Variants in USH2A observed in about 807,000 individuals in gnomAD.
USH2A encodes the protein usherin.
USH2A carries 443 observed loss-of-function variants against 538.9 expected under a neutral mutation model. That is an observed-to-expected ratio of 0.82 (90% CI 0.76 to 0.89). USH2A has a LOEUF of 0.89. USH2A is among the 40% of genes least tolerant of loss of function. The pLI is 0.00. For missense variants in USH2A, 6,633 were observed against 6,324.8 expected, an observed-to-expected ratio of 1.05 and a Z score of -1.65; for synonymous variants, 2,413 against 2,273.5, an observed-to-expected ratio of 1.06 and a Z score of -1.75.
intron 37 of USH2A, among the ~76,000 whole-genome samples, chr1:215,937,026 C>G (rs1269471989): frequency 1.3e-5 from 2 of 151,942 alleles, no homozygotes; most frequent in Non-Finnish European, 1.5e-5. Context: ...TCTACTGTTA[C>G]AAAATACTCA....
At chr1:216,087,049 C>T in intron 23 of USH2A, 1 of 489,180 alleles carries the variant, frequency 2.0e-6, no homozygotes, top group South Asian at 1.9e-5. Flanking sequence ...TTTCTCTACC[C>T]ATAGGCACCC....
chr1:216,354,951 C>A (rs2038355872), intron 4 of USH2A, among the ~76,000 whole-genome samples: 1 of 151,946 alleles, frequency 6.6e-6, no homozygotes, highest in African/African-American at 2.4e-5. Flanking sequence ...AAAATCATTC[C>A]TAGGCATATC....
In USH2A at chr1:216,325,504, G is replaced by A; in HGVS notation, c.944C>T (p.Ala315Val). The change falls in exon 6 of 72, where the codon GCA becomes GTA. Residue 315 changes from alanine (A) to valine (V), a missense_variant. By Grantham distance (64) the Ala-to-Val change is moderately conservative (BLOSUM62 0). Transcript: ENST00000307340. ...PGSHPRVHPLAQRYCIPNDAG... is the reference protein window; with the variant it reads ...PGSHPRVHPLVQRYCIPNDAG... ...ATCATTAGGAATGCAGTACCGCTGT[G>A]CCAAAGGGTGGACCCGCGGGTGGCT... 2 of 1,613,836 alleles carry A rather than the reference G, an allele frequency of 1.2e-6. No homozygotes were observed. Among genetic ancestry groups the A allele is most frequent in the South Asian group, 1.1e-5 (1 of 91,082 alleles).
intron 20 of USH2A, among the ~76,000 whole-genome samples, chr1:216,186,543 T>C (rs1163180554): frequency 6.6e-6 from 1 of 151,968 alleles, no homozygotes; most frequent in Non-Finnish European, 1.5e-5. Context: ...GAATATTCAC[T>C]AAGGTGTTTT....
chr1:215,682,993 G>T (rs1220815628), intron 61 of USH2A, among the ~76,000 whole-genome samples: 1 of 151,806 alleles, frequency 6.6e-6, no homozygotes, highest in African/African-American at 2.4e-5. Flanking sequence ...GGAGTAGCCG[G>T]GACTACAGTC....
chr1:216,014,507 G>A (rs76072413), intron 32 of USH2A, among the ~76,000 whole-genome samples: 3,682 of 152,258 alleles, frequency 0.024, 141 homozygotes, highest in African/African-American at 0.082. Context: ...ATGGATCAAC[G>A]GATTCAAACA....
In USH2A at chr1:215,879,882, G is replaced by A. The variant is rs186555208; in HGVS notation, c.8224-784C>T. On this transcript the variant is annotated intron_variant, in intron 41 of 71. Coordinates refer to ENST00000307340, the MANE Select transcript of USH2A (RefSeq NM_206933.4). ...AAGAGATCCTAAAAAATGTGCACAG[G>A]CCATGACAAAAATCATTTATTTACA... Among the ~76,000 whole-genome samples the A allele has an allele frequency of 1.9e-4, 29 of 152,184 alleles. No homozygotes were observed. The East Asian group carries it at 5.4e-3, about 28-fold the overall frequency.
chr1:215,734,172 C>T (rs1356982365), intron 60 of USH2A, among the ~76,000 whole-genome samples: 1 of 152,194 alleles, frequency 6.6e-6, no homozygotes, highest in African/African-American at 2.4e-5. Flanking sequence ...TGTGCATCTG[C>T]CAACTTAACA....
intron 4 of USH2A, among the ~76,000 whole-genome samples, chr1:216,332,602 T>C (rs2037890389): frequency 6.6e-6 from 1 of 152,132 alleles, no homozygotes; most frequent in South Asian, 2.1e-4. Flanking sequence ...AGGAGAGTGT[T>C]AAACTGCCTC....
intron 65 of USH2A, among the ~76,000 whole-genome samples, chr1:215,649,109 A>G (rs1321613911): frequency 1.3e-5 from 2 of 152,212 alleles, no homozygotes; most frequent in Non-Finnish European, 2.9e-5. Context: ...TGACCCTCAG[A>G]GTGATGTCTT....
chr1:215,868,487 T>G (rs1203906244), intron 43 of USH2A, among the ~76,000 whole-genome samples: 2 of 152,212 alleles, frequency 1.3e-5, no homozygotes, highest in African/African-American at 4.8e-5. Context: ...CTTCTACACC[T>G]CCCTGCTTTA....
At chr1:216,058,025 T>C (rs2031038870) in intron 30 of USH2A, among the ~76,000 whole-genome samples, 1 of 152,230 alleles carries the variant, frequency 6.6e-6, no homozygotes. Flanking sequence ...AAAATATGTC[T>C]TTAAAGTGAA....
chr1:216,396,178 T>C (rs1054686612), intron 3 of USH2A, among the ~76,000 whole-genome samples: 4 of 151,968 alleles, frequency 2.6e-5, no homozygotes, highest in African/African-American at 9.7e-5. Context: ...CAAAAATGAG[T>C]CTGAGTACAA....
intron 20 of USH2A, among the ~76,000 whole-genome samples, chr1:216,183,282 A>G (rs765928165): frequency 3.3e-5 from 5 of 151,842 alleles, no homozygotes; most frequent in Non-Finnish European, 7.4e-5. Context: ...GCCAACAAGC[A>G]CCGATTTGGT....
chr1:215,891,555 C>A (rs1274754899), intron 40 of USH2A, among the ~76,000 whole-genome samples: 1 of 152,048 alleles, frequency 6.6e-6, no homozygotes, highest in Non-Finnish European at 1.5e-5. Flanking sequence ...TTTGCTAATA[C>A]AATAAAAAGC....
chr1:216,050,723 G>A (rs1258893298), intron 30 of USH2A, among the ~76,000 whole-genome samples: 2 of 149,908 alleles, frequency 1.3e-5, no homozygotes, highest in African/African-American at 4.9e-5. Flanking sequence ...TCCTGCCTCA[G>A]CCTCCACAGT....
At chr1:215,791,096 A>G (rs1057147663) in intron 50 of USH2A, among the ~76,000 whole-genome samples, 3 of 152,234 alleles carry the variant, frequency 2.0e-5, no homozygotes, top group Non-Finnish European at 4.4e-5. Flanking sequence ...CTGCATTTGC[A>G]TCATTTAGAT....
In USH2A at chr1:215,623,530, C is replaced by CT. The variant is rs919861781; in HGVS notation, c.*2250dup. 6.6e-6 allele frequency: 1 copy of CT among 151,984 alleles called. No homozygotes were observed. The highest frequency in any genetic ancestry group is 6.6e-5 in the Admixed American group (1 of 15,250). 9.4% of individuals were successfully genotyped at this position (151,984 alleles called of 1,614,324 possible). ...AATAGAGGCTTGGCACGCAATACCA[C>CT]TTAAAGTAGCAAAGCAACATCTTAG... On this transcript the variant is annotated 3_prime_UTR_variant, in exon 72 of 72. Coordinates refer to ENST00000307340, the MANE Select transcript of USH2A (RefSeq NM_206933.4).
chr1:215,986,506 A>G (rs1182282682), intron 35 of USH2A, among the ~76,000 whole-genome samples: 5 of 151,914 alleles, frequency 3.3e-5, no homozygotes, highest in Non-Finnish European at 7.4e-5. Context: ...CACAGTAAAA[A>G]CATATCCTTT....
Sources: allele counts gnomAD v4.1 joint callset (sites outside exome capture counted in the v4.1 genomes callset), GRCh38; gene constraint gnomAD v4.1.1; transcripts MANE v1.5; gene names NCBI Gene and HGNC (gene_info 2026-07-23, HGNC 2026-07-21).